HDAC9: variants seen among roughly 807,000 people sequenced by gnomAD.
HDAC9 encodes the protein MEF-2 interacting transcription repressor (MITR) protein.
Under a neutral mutation model 139.4 loss-of-function variants are expected in HDAC9, and 41 were observed. That is an observed-to-expected ratio of 0.29 (90% CI 0.23 to 0.38). The LOEUF is 0.38. Ranked by LOEUF, HDAC9 falls within the 10% of genes least tolerant of loss-of-function variation. HDAC9 has a pLI of 1.00. For synonymous variants in HDAC9, 517 were observed against 476.2 expected, an observed-to-expected ratio of 1.09 and a Z score of -1.12; for missense variants, 1,147 against 1,297.0, an observed-to-expected ratio of 0.88 and a Z score of 1.78.
intron 2 of HDAC9, among the ~76,000 whole-genome samples, chr7:18,275,663 C>A (rs886807939): frequency 6.6e-6 from 1 of 152,182 alleles, no homozygotes; most frequent in Non-Finnish European, 1.5e-5. Context: ...CATATTTTAT[C>A]CTTGAGCTTT....
chr7:18,285,914 AGAAAAAC>A (rs1797418022), upstream of HDAC9, among the ~76,000 whole-genome samples: 1 of 152,156 alleles, frequency 6.6e-6, no homozygotes, highest in Non-Finnish European at 1.5e-5. Context: ...GATGCATCTC[AGAAAAAC>A]ATACTGCATG....
intron 1 of HDAC9, among the ~76,000 whole-genome samples, chr7:18,358,925 A>G (rs991558527): frequency 1.3e-5 from 2 of 152,244 alleles, no homozygotes; most frequent in African/African-American, 2.4e-5. Context: ...GTAGTATTCA[A>G]TTAATACCAG....
At position 18,874,224 on chromosome 7, in the gene HDAC9, C is replaced by G. The variant is rs552440695; in HGVS notation, c.2685-254C>G. 2.1e-5 allele frequency among the ~76,000 whole-genome samples: 3 copies of G among 146,122 alleles called. No individual in the cohort carries two copies. In the South Asian group the frequency reaches 7.1e-4, roughly 34 times the overall value. The stretch of plus-strand genomic sequence containing the variant: ...TAATATGATGGGCTTTAGAATGTAC[C>G]TGCAAAGCAGTTTTTTTTTTTTTTC... On this transcript the variant is annotated intron_variant, in intron 21 of 25. Coordinates refer to ENST00000686413, the MANE Select transcript of HDAC9 (RefSeq NM_178425.4).
At chr7:18,785,646 C>G (rs1057310520) in intron 16 of HDAC9, among the ~76,000 whole-genome samples, 1 of 152,100 alleles carries the variant, frequency 6.6e-6, no homozygotes, top group African/African-American at 2.4e-5. Context: ...CAGGTCTTAG[C>G]TAATTTATTT....
rs34385627 is a variant in HDAC9 at position 18,789,286 on chromosome 7, G to GCA, written c.2215-4036_2215-4035dup. Among the ~76,000 whole-genome samples the GCA allele has an allele frequency of 7.2e-3, 1,071 of 148,496 alleles. 12 individuals are homozygous for GCA. The highest frequency in any genetic ancestry group is 0.023 in the African/African-American group (937 of 39,966). On this transcript the variant is annotated intron_variant, in intron 16 of 25. Coordinates refer to ENST00000686413, the MANE Select transcript of HDAC9 (RefSeq NM_178425.4). ...TTAATGCACACGCAGACACATACAC[G>GCA]CACACACACACACACACACACACAG... is the stretch of plus-strand genomic sequence containing the variant.
At chr7:18,320,365 G>A (rs1364099278) in intron 1 of HDAC9, among the ~76,000 whole-genome samples, 1 of 152,176 alleles carries the variant, frequency 6.6e-6, no homozygotes, top group Non-Finnish European at 1.5e-5. Context: ...AGCTTGCTGT[G>A]AATAGTACAA....
chr7:18,533,625 A>T (rs1404479264), intron 2 of HDAC9, among the ~76,000 whole-genome samples: 1 of 152,208 alleles, frequency 6.6e-6, no homozygotes, highest in Admixed American at 6.5e-5. Context: ...TGGTTCTAAA[A>T]TTGTATAACA....
chr7:18,629,246 G>C (rs973356272), intron 6 of HDAC9, 104 bp from the exon 7 acceptor site: 1 of 1,073,326 alleles, frequency 9.3e-7, no homozygotes, highest in Non-Finnish European at 1.3e-6. Context: ...GAATGAGAAT[G>C]GACCAAGAAA....
intron 23 of HDAC9, among the ~76,000 whole-genome samples, chr7:18,940,219 T>A (rs932289302): frequency 2.0e-5 from 3 of 152,194 alleles, no homozygotes; most frequent in Non-Finnish European, 4.4e-5. Flanking sequence ...AAATTTTAGT[T>A]ATCTGAGTGT....
intron 12 of HDAC9, chr7:18,667,601 C>T: frequency 5.1e-6 from 5 of 985,232 alleles, no homozygotes; most frequent in Non-Finnish European, 4.8e-6. Flanking sequence ...TTGTCAGGTT[C>T]CTGCTGTTCT....
chr7:18,667,711 G>C, intron 12 of HDAC9: 1 of 985,134 alleles, frequency 1.0e-6, no homozygotes, highest in Middle Eastern at 5.2e-4. Flanking sequence ...AAAAAAATCT[G>C]AGGATAGTGC....
intron 1 of HDAC9, among the ~76,000 whole-genome samples, chr7:18,406,248 T>C (rs1787992657): frequency 6.6e-6 from 1 of 152,178 alleles, no homozygotes. Context: ...TGTCCTACTT[T>C]CTCATCCAAA....
At chr7:18,645,322 A>G (rs986383524) in intron 9 of HDAC9, among the ~76,000 whole-genome samples, 5 of 152,210 alleles carry the variant, frequency 3.3e-5, no homozygotes, top group Admixed American at 2.0e-4. Flanking sequence ...GCGAATATGT[A>G]TCTGGAAAAA....
intron 17 of HDAC9, among the ~76,000 whole-genome samples, chr7:18,804,385 A>T (rs548254382): frequency 6.6e-6 from 1 of 152,268 alleles, no homozygotes; most frequent in South Asian, 2.1e-4. Context: ...TCACACATAC[A>T]CACAAACACG....
intron 23 of HDAC9, among the ~76,000 whole-genome samples, chr7:18,937,918 A>G (rs1781754627): frequency 6.6e-6 from 1 of 152,206 alleles, no homozygotes; most frequent in Non-Finnish European, 1.5e-5. Context: ...AACATTTCCA[A>G]TGAGGATGGA....
At chr7:18,141,960 G>C (rs1785929814) in intron 1 of HDAC9, among the ~76,000 whole-genome samples, 1 of 152,146 alleles carries the variant, frequency 6.6e-6, no homozygotes, top group Non-Finnish European at 1.5e-5. Context: ...TACCCTATCA[G>C]TTCATTGAAT....
chr7:18,672,257 G>A (rs1308222516), intron 12 of HDAC9, among the ~76,000 whole-genome samples: 1 of 151,964 alleles, frequency 6.6e-6, no homozygotes, highest in South Asian at 2.1e-4. Context: ...TAGTGAGTAT[G>A]CAGTGCTATC....
At chr7:18,379,035 A>C (rs1585483574) in intron 1 of HDAC9, among the ~76,000 whole-genome samples, 1 of 152,170 alleles carries the variant, frequency 6.6e-6, no homozygotes, top group African/African-American at 2.4e-5. Flanking sequence ...TTCTTACTAC[A>C]CATGAGGCTC....
chr7:18,591,499 G>GTGT lies in HDAC9; in HGVS notation c.416-16_416-14dup. 1.3e-6 allele frequency: 2 copies of GTGT among 1,557,946 alleles called. No individual in the cohort carries two copies. The highest frequency in any genetic ancestry group is 1.7e-4 in the Middle Eastern group (1 of 6,016). On this transcript the variant is annotated splice_polypyrimidine_tract_variant and intron_variant, in intron 4 of 25. Transcript: ENST00000686413. ...TATGTGTGTGTGTGTGTGTGTGTGT[G>GTGT]TGTGTGTGTATTTCAGGGGCAGTGG... is the stretch of plus-strand genomic sequence containing the variant.
Sources: allele counts gnomAD v4.1 joint callset (sites outside exome capture counted in the v4.1 genomes callset), GRCh38; gene constraint gnomAD v4.1.1; transcripts MANE v1.5; gene names NCBI Gene and HGNC (gene_info 2026-07-23, HGNC 2026-07-21).